NRXN1: variants seen among roughly 807,000 people sequenced by gnomAD.
NRXN1 encodes the protein neurexin 1.
In NRXN1, 39 loss-of-function variants were observed where a neutral mutation model predicts 150.9. That is an observed-to-expected ratio of 0.26 (90% CI 0.20 to 0.34). NRXN1 has a LOEUF of 0.34. Among genes scored for constraint, NRXN1 ranks in the 10% least tolerant of loss-of-function variants. The probability of loss-of-function intolerance (pLI) is 1.00; values close to 1 mark genes in which losing one functional copy is unlikely to be tolerated. For missense variants in NRXN1, 1,815 were observed against 1,949.9 expected (o/e 0.93, Z 1.30); for synonymous variants, 924 against 757.0 (o/e 1.22, Z -3.62).
At chr2:50,394,312 A>C (rs761399849) in intron 17 of NRXN1, among the ~76,000 whole-genome samples, 1 of 152,060 alleles carries the variant, frequency 6.6e-6, no homozygotes, top group Non-Finnish European at 1.5e-5. Context: ...TAGGTATATC[A>C]AAACCAAAGT....
intron 17 of NRXN1, among the ~76,000 whole-genome samples, chr2:50,385,243 A>G (rs1371915350): frequency 6.6e-6 from 1 of 152,160 alleles, no homozygotes; most frequent in East Asian, 1.9e-4. Context: ...CTGTGCATCA[A>G]TGCATGAGTG....
chr2:50,449,532 G>A (rs931636825), intron 17 of NRXN1, among the ~76,000 whole-genome samples: 2 of 152,118 alleles, frequency 1.3e-5, no homozygotes, highest in African/African-American at 4.8e-5. Flanking sequence ...AGAGTCAGTA[G>A]GTGTGTGGGG....
chr2:50,825,302 G>C (rs1670297329), intron 5 of NRXN1, among the ~76,000 whole-genome samples: 2 of 152,256 alleles, frequency 1.3e-5, no homozygotes, highest in South Asian at 4.2e-4. Flanking sequence ...AATATCATTT[G>C]TATGCTAATG....
chr2:50,797,362 T>C (rs1002985222), intron 5 of NRXN1, among the ~76,000 whole-genome samples: 2 of 152,086 alleles, frequency 1.3e-5, no homozygotes, highest in Non-Finnish European at 2.9e-5. Flanking sequence ...AGGAGACATT[T>C]GAAAATGTCT....
intron 21 of NRXN1, among the ~76,000 whole-genome samples, chr2:49,975,232 A>G (rs1202764946): frequency 6.6e-6 from 1 of 152,020 alleles, no homozygotes; most frequent in African/African-American, 2.4e-5. Flanking sequence ...CAAAAGTAGC[A>G]TAAAACAATC....
chr2:50,858,692 T>C (rs1675630163), intron 5 of NRXN1, among the ~76,000 whole-genome samples: 1 of 152,142 alleles, frequency 6.6e-6, no homozygotes, highest in African/African-American at 2.4e-5. Context: ...AAATTTAACA[T>C]CTGAAATTTA....
intron 5 of NRXN1, among the ~76,000 whole-genome samples, chr2:50,792,585 T>C (rs986681908): frequency 6.6e-6 from 1 of 152,074 alleles, no homozygotes; most frequent in African/African-American, 2.4e-5. Context: ...GAATATTTAA[T>C]GGGAGAAAGT....
At chr2:49,937,657 T>C (rs190017279) in intron 22 of NRXN1, among the ~76,000 whole-genome samples, 2 of 152,330 alleles carry the variant, frequency 1.3e-5, no homozygotes, top group East Asian at 3.9e-4. Flanking sequence ...GCGCTGATTC[T>C]AGCCTGGTAC....
chr2:50,199,669 G>C (rs2062024066), intron 18 of NRXN1, among the ~76,000 whole-genome samples: 1 of 151,918 alleles, frequency 6.6e-6, no homozygotes. Context: ...TGAAGGATTT[G>C]TCAGTGAATT....
At chr2:51,029,440 A>G (rs1056372702) in intron 1 of NRXN1, among the ~76,000 whole-genome samples, 1 of 152,204 alleles carries the variant, frequency 6.6e-6, no homozygotes, top group African/African-American at 2.4e-5. Context: ...GGTAACCCGA[A>G]GTTTTAAAGA....
chr2:50,473,223 CT>C (rs1211045043), intron 15 of NRXN1, among the ~76,000 whole-genome samples: 3 of 151,834 alleles, frequency 2.0e-5, no homozygotes, highest in Non-Finnish European at 4.4e-5. Flanking sequence ...AATTTTTAGG[CT>C]GCTCTGAAAT....
At position 50,750,872 on chromosome 2, in the gene NRXN1, A is replaced by C. The variant is rs780068626; in HGVS notation, c.833-127257T>G. Among the ~76,000 whole-genome samples, 7 of 152,210 alleles carry C rather than the reference A, an allele frequency of 4.6e-5. 1 individual carries two copies. In the South Asian group the frequency reaches 1.4e-3, roughly 32 times the overall value. The stretch of plus-strand genomic sequence containing the variant: ...ATAACTATGCTTATTATAAGAAAAC[A>C]TAAAGAATGCATAATGGAGAATGCA... On this transcript the variant is annotated intron_variant, in intron 5 of 22. Coordinates refer to ENST00000401669, the MANE Select transcript of NRXN1 (RefSeq NM_001330078.2).
At chr2:50,719,641 A>G (rs1426556023) in intron 5 of NRXN1, among the ~76,000 whole-genome samples, 2 of 152,024 alleles carry the variant, frequency 1.3e-5, no homozygotes, top group Non-Finnish European at 2.9e-5. Flanking sequence ...ACACCATTGC[A>G]CTCCAGCCCA....
At chr2:50,879,557 T>C (rs1269184425) in intron 5 of NRXN1, among the ~76,000 whole-genome samples, 1 of 151,904 alleles carries the variant, frequency 6.6e-6, no homozygotes, top group Non-Finnish European at 1.5e-5. Context: ...TGTGAGCAGA[T>C]ATGATGATGT....
intron 18 of NRXN1, among the ~76,000 whole-genome samples, chr2:50,160,903 A>C (rs372591719): frequency 6.6e-6 from 1 of 152,070 alleles, no homozygotes; most frequent in Admixed American, 6.6e-5. Context: ...TTTTTTAGAA[A>C]CCTTTACAAG....
intron 18 of NRXN1, among the ~76,000 whole-genome samples, chr2:50,161,367 C>A (rs963030304): frequency 1.3e-5 from 2 of 152,154 alleles, no homozygotes; most frequent in Non-Finnish European, 2.9e-5. Flanking sequence ...TGGCTCCAAA[C>A]TAACACATGC....
At chr2:50,660,470 A>G (rs528006463) in intron 5 of NRXN1, among the ~76,000 whole-genome samples, 62 of 152,144 alleles carry the variant, frequency 4.1e-4, no homozygotes, top group African/African-American at 1.4e-3. Flanking sequence ...GCAAAAAGAA[A>G]TCTTTGCAAG....
At chr2:50,901,606 C>A (rs1000672258) in intron 5 of NRXN1, among the ~76,000 whole-genome samples, 1 of 152,110 alleles carries the variant, frequency 6.6e-6, no homozygotes, top group Non-Finnish European at 1.5e-5. Flanking sequence ...ACCTGGCGTT[C>A]TGGTACAAAG....
chr2:49,969,963 A>C (rs1438727971), intron 21 of NRXN1: 1 of 152,112 alleles, frequency 6.6e-6, no homozygotes, highest in African/African-American at 2.4e-5. Flanking sequence ...ACATTTTAAT[A>C]AAAAAGCAGG....
Sources: allele counts gnomAD v4.1 joint callset (sites outside exome capture counted in the v4.1 genomes callset), GRCh38; gene constraint gnomAD v4.1.1; transcripts MANE v1.5; gene names NCBI Gene and HGNC (gene_info 2026-07-23, HGNC 2026-07-21).